The following KLRG2 variants were observed in gnomAD, a reference collection of about 807,000 sequenced individuals.
KLRG2 encodes killer cell lectin like receptor G2, also known as killer cell lectin-like receptor subfamily G member 2.
KLRG2 carries 39 observed loss-of-function variants against 35.4 expected under a neutral mutation model. The observed-to-expected ratio is 1.10, with a 90% CI of 0.85 to 1.44. The LOEUF is 1.44. Ranked by LOEUF, KLRG2 falls within the 40% of genes most tolerant of loss-of-function variation. The pLI is 0.00. For missense variants in KLRG2, 632 were observed against 570.9 expected, an observed-to-expected ratio of 1.11 and a Z score of -1.09; for synonymous variants, 283 against 265.8, an observed-to-expected ratio of 1.06 and a Z score of -0.63.
downstream of KLRG2, chr7:139,448,918 T>A (rs955615757): frequency 6.7e-6 from 1 of 149,488 alleles, no homozygotes; most frequent in Non-Finnish European, 1.5e-5. Flanking sequence ...ACCAGCCTGG[T>A]CAAGATGATG....
intron 3 of KLRG2, among the ~76,000 whole-genome samples, chr7:139,464,318 G>A (rs950651075): frequency 6.6e-6 from 1 of 152,048 alleles, no homozygotes; most frequent in Non-Finnish European, 1.5e-5. Flanking sequence ...GTTATTACTC[G>A]CCTGTTACAG....
chr7:139,445,767 G>GTATATATATATATATGTATATATA, the KLRG2 span, among the ~76,000 whole-genome samples: 1 of 89,634 alleles, frequency 1.1e-5, no homozygotes, highest in Non-Finnish European at 2.0e-5. Flanking sequence ...ATATGTGTAT[G>GTATATATATATATATGTATATATA]TATATATATA....
intron 3 of KLRG2, among the ~76,000 whole-genome samples, chr7:139,477,770 T>C (rs1307839377): frequency 2.6e-5 from 4 of 152,144 alleles, no homozygotes; most frequent in African/African-American, 9.7e-5. Context: ...ACAATTTTTT[T>C]TTTTTTGAGA....
the KLRG2 span, among the ~76,000 whole-genome samples, chr7:139,431,374 C>G: frequency 6.6e-6 from 1 of 152,090 alleles, no homozygotes; most frequent in East Asian, 1.9e-4. Flanking sequence ...AAAATAGATA[C>G]ACTTTCTTCA....
At position 139,478,606 on chromosome 7, in the gene KLRG2, G is replaced by A. The variant is rs375219539; in HGVS notation, c.1005+1021C>T. On this transcript the variant is annotated intron_variant, in intron 3 of 4. Coordinates refer to ENST00000340940, the MANE Select transcript of KLRG2 (RefSeq NM_198508.4). ...AATCCCTTCAACCCGGGAGGTGAAG[G>A]TTGCAGTGAGCCGAGATTATGCCAC... Among the ~76,000 whole-genome samples, 3 of 152,040 alleles carry A rather than the reference G, an allele frequency of 2.0e-5. No homozygotes were observed. In the East Asian group the frequency reaches 5.8e-4, roughly 30 times the overall value.
chr7:139,481,748 AC>A (rs1241997624), intron 1 of KLRG2, among the ~76,000 whole-genome samples: 3 of 151,256 alleles, frequency 2.0e-5, no homozygotes, highest in Non-Finnish European at 2.9e-5. Context: ...ACATGATGAA[AC>A]CCCCTGTCTA....
chr7:139,461,623 T>A lies in KLRG2; in HGVS notation c.1006-7409A>T, dbSNP rs368417743. On this transcript the variant is annotated intron_variant, in intron 3 of 4. Coordinates refer to ENST00000340940, the MANE Select transcript of KLRG2 (RefSeq NM_198508.4). Reference sequence around the variant, plus strand: ...ACCTTGTGAAATTCCTTCTCCTGGCTCATCCTGGCTCAAAAGCTCCCCCAC... The same window carrying A: ...ACCTTGTGAAATTCCTTCTCCTGGCACATCCTGGCTCAAAAGCTCCCCCAC... Among the ~76,000 whole-genome samples, 535 of 152,230 alleles carry A rather than the reference T, an allele frequency of 3.5e-3. 4 individuals are homozygous for A. Among genetic ancestry groups the A allele is most frequent in the African/African-American group, 0.011 (475 of 41,530 alleles).
At chr7:139,473,641 G>A (rs900830992) in intron 3 of KLRG2, among the ~76,000 whole-genome samples, 4 of 152,146 alleles carry the variant, frequency 2.6e-5, no homozygotes, top group African/African-American at 9.7e-5. Flanking sequence ...GGGAGCAGAG[G>A]AAAATTTCAA....
At chr7:139,449,797 T>C (rs1350431065), downstream of KLRG2, among the ~76,000 whole-genome samples, 9 of 150,098 alleles carry the variant, frequency 6.0e-5, no homozygotes. Context: ...CCTGCCAGGT[T>C]CACGCCATTC....
At chr7:139,451,906 G>C (rs1208855880), downstream of KLRG2, among the ~76,000 whole-genome samples, 2 of 151,370 alleles carry the variant, frequency 1.3e-5, no homozygotes, top group African/African-American at 4.9e-5. Context: ...GATGTATTTT[G>C]ATTGGCGCCT....
chr7:139,472,243 A>C (rs909768829), intron 3 of KLRG2, among the ~76,000 whole-genome samples: 2 of 152,138 alleles, frequency 1.3e-5, no homozygotes, highest in African/African-American at 4.8e-5. Flanking sequence ...TGGGGAAAAA[A>C]ATCATGACTA....
chr7:139,468,046 ATG>A (rs1400063023), intron 3 of KLRG2, among the ~76,000 whole-genome samples: 2 of 152,200 alleles, frequency 1.3e-5, no homozygotes, highest in South Asian at 2.1e-4. Flanking sequence ...TGAGATGTTT[ATG>A]TGTGTGCATA....
At chr7:139,433,322 G>T in the KLRG2 span, among the ~76,000 whole-genome samples, 545 of 141,482 alleles carry the variant, frequency 3.9e-3, 3 homozygotes, top group Middle Eastern at 0.022. Flanking sequence ...TTTTTTTTTT[G>T]TTTGTTTGTT....
At chr7:139,466,137 GC>G (rs1271522886) in intron 3 of KLRG2, among the ~76,000 whole-genome samples, 1 of 151,952 alleles carries the variant, frequency 6.6e-6, no homozygotes, top group Non-Finnish European at 1.5e-5. Flanking sequence ...GATTATTCAG[GC>G]CCCCTCCCTT....
chr7:139,478,106 CA>C (rs751537916), intron 3 of KLRG2, among the ~76,000 whole-genome samples: 3 of 150,566 alleles, frequency 2.0e-5, no homozygotes, highest in Non-Finnish European at 3.0e-5. Context: ...CAGTGGCTCA[CA>C]CCTGTAATCC....
At chr7:139,464,239 C>T (rs1464017662) in intron 3 of KLRG2, among the ~76,000 whole-genome samples, 1 of 152,130 alleles carries the variant, frequency 6.6e-6, no homozygotes, top group Non-Finnish European at 1.5e-5. Flanking sequence ...CTTACCATCC[C>T]ATTAAAACCT....
the KLRG2 span, among the ~76,000 whole-genome samples, chr7:139,429,040 G>C: frequency 1.3e-5 from 2 of 152,324 alleles, no homozygotes; most frequent in Admixed American, 1.3e-4. Flanking sequence ...CTTTAGGCCA[G>C]GCGTGGTGGC....
In KLRG2 at chr7:139,454,124, GT is replaced by G; in HGVS notation, c.1095del (p.Leu366SerfsTer67). 3.2e-6 allele frequency: 5 copies of G among 1,538,986 alleles called. No individual in the cohort carries two copies. The highest frequency in any genetic ancestry group is 1.4e-5 in the African/African-American group (1 of 72,632). On this transcript the variant is annotated frameshift_variant, in exon 4 of 5. Transcript: ENST00000340940. LOFTEE classifies it low-confidence loss of function (END_TRUNC). ...GTGGTCACTCACAGCTGGGGCGGGAGTGGGGCCTCGTCGATCCAGTGCCAGC... is the reference window on the plus strand; with the variant it reads ...GTGGTCACTCACAGCTGGGGCGGGAGGGGGCCTCGTCGATCCAGTGCCAGC... ...PQGWHWIDEA[P>X]LPPQLLPEDG... is the part of the protein sequence containing the mutation.
chr7:139,476,975 T>C (rs1796861507), intron 3 of KLRG2, among the ~76,000 whole-genome samples: 1 of 152,210 alleles, frequency 6.6e-6, no homozygotes. Context: ...GGCTCATTAT[T>C]GAATCCCCCT....
Sources: allele counts gnomAD v4.1 joint callset (sites outside exome capture counted in the v4.1 genomes callset), GRCh38; gene constraint gnomAD v4.1.1; transcripts MANE v1.5; gene names NCBI Gene and HGNC (gene_info 2026-07-23, HGNC 2026-07-21).